The following USH1C variants were observed in gnomAD, a reference collection of about 807,000 sequenced individuals.
USH1C encodes harmonin.
In USH1C, 90 loss-of-function variants were observed where a neutral mutation model predicts 119.3. That is an observed-to-expected ratio of 0.75 (90% CI 0.64 to 0.90). The LOEUF is 0.90. Ranked by LOEUF, USH1C falls within the 40% of genes least tolerant of loss-of-function variation. The probability of loss-of-function intolerance (pLI) is 0.00; values close to 1 mark genes in which losing one functional copy is unlikely to be tolerated. For missense variants in USH1C, 1,165 were observed against 1,167.7 expected (o/e 1.00, Z 0.03); for synonymous variants, 465 against 443.3 (o/e 1.05, Z -0.62).
intron 23 of USH1C, among the ~76,000 whole-genome samples, chr11:17,498,677 G>A (rs979189992): frequency 5.9e-5 from 9 of 152,156 alleles, no homozygotes; most frequent in African/African-American, 1.9e-4. Flanking sequence ...GCTTCATGTC[G>A]CTGTTCCCTA....
At chr11:17,503,108 C>A (rs780445655) in intron 20 of USH1C, among the ~76,000 whole-genome samples, 24 of 152,220 alleles carry the variant, frequency 1.6e-4, no homozygotes, top group Non-Finnish European at 3.2e-4. Flanking sequence ...TCACTTGCCT[C>A]AATCACCCAG....
intron 2 of USH1C, 86 bp downstream of exon 2, chr11:17,533,169 C>A: frequency 1.0e-6 from 1 of 1,000,366 alleles, no homozygotes; most frequent in Non-Finnish European, 1.6e-6. Flanking sequence ...CCTCTGAGCT[C>A]CTCTGTCTCA....
At chr11:17,494,852 C>T (rs1482762178) in intron 26 of USH1C, 2 of 268,664 alleles carry the variant, frequency 7.4e-6, no homozygotes, top group Admixed American at 4.8e-5. Flanking sequence ...CAGCTCTGTC[C>T]ACGGGCACAT....
chr11:17,539,807 CTTTCTG>C (rs1474004701), intron 1 of USH1C, among the ~76,000 whole-genome samples: 1 of 148,504 alleles, frequency 6.7e-6, no homozygotes, highest in African/African-American at 2.5e-5. Context: ...TCTTTCTTTT[CTTTCTG>C]TTTCTGTTTC....
Position 17,531,123 on chromosome 11 carries a change from G to T in USH1C, c.387+31C>A. On this transcript the variant is annotated intron_variant, in intron 4 of 26. Coordinates refer to ENST00000005226, the MANE Select transcript of USH1C (RefSeq NM_153676.4). The surrounding 1 kb of genome is among the most constrained non-coding windows in gnomAD (Gnocchi z 4.2). ...GGGAGGCAGGAGGTCCGAGGCCCTC[G>T]CTCCCCCTCCCCCGGACTCTGTTTG... 1.2e-6 allele frequency: 2 copies of T among 1,613,502 alleles called. No individual in the cohort carries two copies. The highest frequency in any genetic ancestry group is 1.7e-6 in the Non-Finnish European group (2 of 1,179,910).
chr11:17,521,227 G>A lies in USH1C; in HGVS notation c.1085+119C>T, dbSNP rs190422899. On this transcript the variant is annotated intron_variant, in intron 13 of 26. Coordinates refer to ENST00000005226, the MANE Select transcript of USH1C (RefSeq NM_153676.4). The stretch of plus-strand genomic sequence containing the variant: ...ACAGGCTTTACTACAAATAAAGGAG[G>A]ACCCACCAGGGGATGAGAGAACCAG... The A allele has an allele frequency of 1.3e-3, 1,531 of 1,162,536 alleles. 5 individuals are homozygous for A. Among genetic ancestry groups the A allele is most frequent in the Non-Finnish European group, 1.8e-3 (1,376 of 770,632 alleles). The allele number at this position is 1,162,536 out of a possible 1,614,324, so 72.0% of individuals were successfully genotyped here.
At chr11:17,508,874 G>C (rs889285604) in intron 18 of USH1C, among the ~76,000 whole-genome samples, 1 of 152,184 alleles carries the variant, frequency 6.6e-6, no homozygotes. Context: ...ATGGTACAGT[G>C]TTATCACTTC....
At chr11:17,540,189 T>C (rs113671862) in intron 1 of USH1C, among the ~76,000 whole-genome samples, 2,600 of 152,270 alleles carry the variant, frequency 0.017, 80 homozygotes, top group African/African-American at 0.059. Flanking sequence ...AAGCGCTGTA[T>C]ATATTTAGTG....
intron 26 of USH1C, 180 bp from the exon 27 acceptor site, chr11:17,494,556 C>T (rs1164695259): frequency 2.9e-6 from 2 of 680,662 alleles, no homozygotes; most frequent in East Asian, 5.5e-5. Flanking sequence ...AGCCACAGCA[C>T]ACAGGAGGCC....
At chr11:17,504,789 G>C in intron 19 of USH1C, 92 bp from the exon 20 acceptor site, 1 of 1,371,252 alleles carries the variant, frequency 7.3e-7, no homozygotes, top group Admixed American at 1.8e-5. Flanking sequence ...TGCCAGTCTG[G>C]GGCTGCCGTG....
chr11:17,544,252 G>C lies in USH1C; in HGVS notation c.36+20C>G. On this transcript the variant is annotated intron_variant, in intron 1 of 26. Coordinates refer to ENST00000005226, the MANE Select transcript of USH1C (RefSeq NM_153676.4). ...AGGACTCCGGAGTCCCAGAAGCCTG[G>C]GGCGCCCTGCAGCTCTGACCTTATG... 1 of 1,613,958 alleles carries C rather than the reference G, an allele frequency of 6.2e-7. No homozygotes were observed. The highest frequency in any genetic ancestry group is 8.5e-7 in the Non-Finnish European group (1 of 1,179,992).
Position 17,531,504 on chromosome 11 carries a change from A to T in USH1C, c.143T>A (p.Leu48Gln). The change falls in exon 3 of 27, where the codon CTG becomes CAG. Residue 48 changes from leucine (L) to glutamine (Q), a missense_variant. Leu to Gln is a moderately radical substitution (Grantham distance 113). Coordinates refer to ENST00000005226, the MANE Select transcript of USH1C (RefSeq NM_153676.4). This position sits in a 1 kb window ranked among gnomAD's most constrained non-coding sequence, Gnocchi z 4.2. ...DVAVLVGDLK[L>Q]VINEPSRLPL... ...CAGACGGCTGGGTTCATTGATGACC[A>T]GCTTCAGGTCTCCCACGAGCACGGC... is the stretch of plus-strand genomic sequence containing the variant. 3 of 1,613,908 alleles carry T rather than the reference A, an allele frequency of 1.9e-6. No homozygotes were observed. Among genetic ancestry groups the T allele is most frequent in the Non-Finnish European group, 2.5e-6 (3 of 1,180,036 alleles).
rs376949470 is a variant in USH1C, at chr11:17,533,264, A to G, written c.95T>C (p.Met32Thr). The G allele has an allele frequency of 9.3e-6, 15 of 1,613,842 alleles. No individual in the cohort carries two copies. The highest frequency in any genetic ancestry group is 1.3e-5 in the African/African-American group (1 of 74,920). Residue 32 changes from methionine to threonine, a missense_variant, in exon 2 of 27, where the codon ATG becomes ACG. Transcript: ENST00000005226. ...GACCCAGCACACTTACTGGTGGTAC[A>G]TTCGCAGCACATCATAGAGATAGTC... Reference protein sequence around the residue: ...EKDYLYDVLRMYHQTMDVAVL... With the variant: ...EKDYLYDVLRTYHQTMDVAVL...
chr11:17,520,058 A>G (rs1850344248), intron 14 of USH1C, among the ~76,000 whole-genome samples: 1 of 152,216 alleles, frequency 6.6e-6, no homozygotes, highest in Non-Finnish European at 1.5e-5. Context: ...TGTGTCAACT[A>G]TAAGTCAAAA....
chr11:17,517,676 G>A (rs551666044), intron 14 of USH1C, among the ~76,000 whole-genome samples: 14 of 152,308 alleles, frequency 9.2e-5, no homozygotes, highest in Admixed American at 7.2e-4. Flanking sequence ...TTTCAACCTT[G>A]GCAGCTTTAG....
At chr11:17,506,166 C>A (rs1849641644) in intron 18 of USH1C, among the ~76,000 whole-genome samples, 1 of 152,196 alleles carries the variant, frequency 6.6e-6, no homozygotes, top group Non-Finnish European at 1.5e-5. Context: ...TACTGAGCGG[C>A]TCTAAGAAAT....
Position 17,494,507 on chromosome 11 carries a change from C to G in USH1C, c.2656-131G>C, listed in dbSNP as rs1458056686. ...AAGGCCCTGCCACCCTTTGGAGACC[C>G]CTCTGGGTGCAGGCCCCAAGTGGCT... On this transcript the variant is annotated intron_variant, in intron 26 of 26. Coordinates refer to ENST00000005226, the MANE Select transcript of USH1C (RefSeq NM_153676.4). 2.9e-6 allele frequency: 3 copies of G among 1,031,304 alleles called. No homozygotes were observed. The Admixed American group carries it at 6.0e-5, about 21-fold the overall frequency. 63.9% of individuals were successfully genotyped at this position (1,031,304 alleles called of 1,614,324 possible).
In USH1C at chr11:17,531,513, T is replaced by C. The variant is rs1592024029; in HGVS notation, c.134A>G (p.Asp45Gly). 1 of 1,613,392 alleles carries C rather than the reference T, an allele frequency of 6.2e-7. No individual in the cohort carries two copies. Among genetic ancestry groups the C allele is most frequent in the Non-Finnish European group, 8.5e-7 (1 of 1,179,990 alleles). Residue 45 changes from aspartate to glycine, a missense_variant, in exon 3 of 27, where the codon GAC (aspartate) becomes GGC (glycine). Asp to Gly is a moderately conservative substitution (Grantham distance 94, BLOSUM62 -1). Coordinates refer to ENST00000005226, the MANE Select transcript of USH1C (RefSeq NM_153676.4). The surrounding 1 kb of genome is among the most constrained non-coding windows in gnomAD (Gnocchi z 4.2). ...QTMDVAVLVG[D>G]LKLVINEPSR... ...GGGTTCATTGATGACCAGCTTCAGG[T>C]CTCCCACGAGCACGGCCACGTCCAT...
At chr11:17,532,878 A>T (rs1340114249) in intron 2 of USH1C, among the ~76,000 whole-genome samples, 1 of 152,232 alleles carries the variant, frequency 6.6e-6, no homozygotes, top group South Asian at 2.1e-4. Flanking sequence ...AGAAAAAATG[A>T]ATCAAAAAGC....
Sources: allele counts gnomAD v4.1 joint callset (sites outside exome capture counted in the v4.1 genomes callset), GRCh38; gene constraint gnomAD v4.1.1; non-coding constraint Gnocchi (gnomAD v3.1); transcripts MANE v1.5; gene names NCBI Gene and HGNC (gene_info 2026-07-23, HGNC 2026-07-21).